Variants in PRR5 observed in about 807,000 individuals in gnomAD.
PRR5 encodes the protein proline rich 5.
In PRR5, 25 loss-of-function variants were observed where a neutral mutation model predicts 30.6. That is an observed-to-expected ratio of 0.82 (90% CI 0.60 to 1.14). The LOEUF is 1.14. Ranked by LOEUF, PRR5 falls within the 50% of genes most tolerant of loss-of-function variation. The pLI, the probability that PRR5 is intolerant of heterozygous loss-of-function variation, is 0.00. For synonymous variants in PRR5, 286 were observed against 247.1 expected, an observed-to-expected ratio of 1.16 and a Z score of -1.48; for missense variants, 600 against 547.1, an observed-to-expected ratio of 1.10 and a Z score of -0.96.
At chr22:44,712,519 C>T (rs902401302) in intron 1 of PRR5, among the ~76,000 whole-genome samples, 3 of 152,194 alleles carry the variant, frequency 2.0e-5, no homozygotes, top group African/African-American at 7.2e-5. Flanking sequence ...GGAGAAGGAG[C>T]ACAGGGGAGT....
chr22:44,681,360 C>A (rs190264928), intron 1 of PRR5, among the ~76,000 whole-genome samples: 11 of 152,078 alleles, frequency 7.2e-5, no homozygotes, highest in Non-Finnish European at 1.3e-4. Flanking sequence ...GAGGCCGAGG[C>A]GGGCAGATCA....
At chr22:44,733,554 A>C (rs2147180726) in intron 6 of PRR5, among the ~76,000 whole-genome samples, 1 of 152,154 alleles carries the variant, frequency 6.6e-6, no homozygotes, top group South Asian at 2.1e-4. Flanking sequence ...AAGTTGAGAG[A>C]GTTTAGGTCA....
chr22:44,678,800 G>A (rs1349163340), intron 1 of PRR5, among the ~76,000 whole-genome samples: 2 of 152,140 alleles, frequency 1.3e-5, no homozygotes, highest in Admixed American at 6.5e-5. Flanking sequence ...AGGTCTCCCC[G>A]ACAGCCTGGG....
chr22:44,682,732 G>A (rs919355906), intron 1 of PRR5, among the ~76,000 whole-genome samples: 3 of 152,160 alleles, frequency 2.0e-5, no homozygotes, highest in African/African-American at 4.8e-5. Context: ...GGTACCTGGC[G>A]TGTGGCCAGA....
At chr22:44,707,168 A>G (rs1011730132) in intron 1 of PRR5, among the ~76,000 whole-genome samples, 4 of 150,202 alleles carry the variant, frequency 2.7e-5, no homozygotes, top group Non-Finnish European at 4.4e-5. Context: ...GCTCCAGTTC[A>G]CTCCTCCCTG....
chr22:44,727,998 C>T (rs1921171442), intron 4 of PRR5, among the ~76,000 whole-genome samples: 1 of 152,260 alleles, frequency 6.6e-6, no homozygotes, highest in African/African-American at 2.4e-5. Context: ...TGATGCGGCA[C>T]ATTCTGGCGG....
intron 7 of PRR5, among the ~76,000 whole-genome samples, chr22:44,735,465 C>T (rs900451174): frequency 4.6e-5 from 7 of 152,154 alleles, no homozygotes; most frequent in African/African-American, 1.7e-4. Flanking sequence ...GCGGAGTGCT[C>T]GGAACATGCA....
At chr22:44,704,367 C>T (rs1259704030) in intron 1 of PRR5, among the ~76,000 whole-genome samples, 1 of 152,110 alleles carries the variant, frequency 6.6e-6, no homozygotes, top group East Asian at 1.9e-4. Context: ...TGGTTGCTGG[C>T]TTAGACACTG....
At chr22:44,687,445 C>T (rs946848030) in intron 1 of PRR5, among the ~76,000 whole-genome samples, 2 of 152,218 alleles carry the variant, frequency 1.3e-5, no homozygotes. Context: ...TTTATAAATA[C>T]AAACCTAATC....
chr22:44,725,241 C>T lies in PRR5; in HGVS notation c.216-3C>T. The T allele has an allele frequency of 6.2e-7, 1 of 1,613,940 alleles. No homozygotes were observed. The highest frequency in any genetic ancestry group is 8.5e-7 in the Non-Finnish European group (1 of 1,179,972). ...TCACTCTTGTCTCACCTCCCACCCA[C>T]AGGCAGCTGTTGAAGACAGAGCTGG... On this transcript the variant is annotated splice_region_variant and splice_polypyrimidine_tract_variant and intron_variant, in intron 2 of 7. Coordinates refer to ENST00000336985, the MANE Select transcript of PRR5 (RefSeq NM_181333.4).
At position 44,702,247 on chromosome 22, in the gene PRR5, C is replaced by T. The variant is rs1346421898; in HGVS notation, c.-228C>T. 2.2e-5 allele frequency: 25 copies of T among 1,131,578 alleles called. No individual in the cohort carries two copies. The highest frequency in any genetic ancestry group is 4.9e-5 in the Admixed American group (1 of 20,482). 70.1% of individuals were successfully genotyped at this position (1,131,578 alleles called of 1,614,324 possible). On this transcript the variant is annotated 5_prime_UTR_variant, in exon 1 of 8. Transcript: ENST00000336985. ...GTCTGTGCTGGCCGCGCGCCTGGCG[C>T]TCCACGCTGAGCCTCTCCGTGCAAT...
intron 4 of PRR5, chr22:44,731,398 A>G (rs1921938227): frequency 2.4e-6 from 1 of 420,816 alleles, no homozygotes; most frequent in South Asian, 2.5e-5. Context: ...TGGGTCTGGT[A>G]TGTGACAAAG....
At position 44,735,119 on chromosome 22, in the gene PRR5, C is replaced by T. The variant is rs1346282904; in HGVS notation, c.648C>T (p.Gly216=). 4.3e-6 allele frequency: 7 copies of T among 1,613,096 alleles called. No homozygotes were observed. The highest frequency in any genetic ancestry group is 4.5e-5 in the East Asian group (2 of 44,876). ...TGTCGCCATACCTGGGCACCTACGG[C>T]CTCCACTCCAGCGAGGGGCCCTTCA... The part of the protein sequence containing the change: ...KVVSPYLGTY[G]LHSSEGPFTH... Residue 216 remains glycine, a synonymous_variant, in exon 7 of 8, where the codon GGC becomes GGT. Transcript: ENST00000336985.
intron 1 of PRR5, among the ~76,000 whole-genome samples, chr22:44,683,537 G>GCAAAGCCTT (rs1410575737): frequency 1.3e-5 from 2 of 152,238 alleles, no homozygotes; most frequent in African/African-American, 4.8e-5. Flanking sequence ...AGGTGGCTGG[G>GCAAAGCCTT]CAAAGCCTTC....
At chr22:44,706,473 G>A (rs1927220307) in intron 1 of PRR5, among the ~76,000 whole-genome samples, 2 of 152,120 alleles carry the variant, frequency 1.3e-5, no homozygotes, top group Admixed American at 6.6e-5. Context: ...CATTTCGCTG[G>A]GGTCTGCCTT....
intron 1 of PRR5, among the ~76,000 whole-genome samples, chr22:44,696,588 G>A (rs2146983871): frequency 6.6e-6 from 1 of 152,292 alleles, no homozygotes; most frequent in South Asian, 2.1e-4. Flanking sequence ...TGGGTGCACA[G>A]AACCAGACCA....
intron 2 of PRR5, among the ~76,000 whole-genome samples, chr22:44,723,079 G>A (rs936476995): frequency 2.2e-4 from 33 of 151,232 alleles, no homozygotes; most frequent in Non-Finnish European, 4.4e-4. Flanking sequence ...TCCGCCTCCC[G>A]AGTTCAAGCA....
chr22:44,712,500 C>T (rs746427210), intron 1 of PRR5, among the ~76,000 whole-genome samples: 3 of 152,168 alleles, frequency 2.0e-5, no homozygotes, highest in Admixed American at 6.5e-5. Context: ...CGTGTGGGGA[C>T]GCTGCCTGGG....
chr22:44,724,861 G>T (rs1038879321), intron 2 of PRR5, among the ~76,000 whole-genome samples: 1 of 152,240 alleles, frequency 6.6e-6, no homozygotes, highest in Non-Finnish European at 1.5e-5. Context: ...GAGAGGAGGA[G>T]CCCGTGGCAT....
Sources: gnomAD v4.1 joint callset for allele counts (sites outside exome capture counted in the v4.1 genomes callset) on GRCh38, gnomAD v4.1.1 for gene constraint, MANE v1.5 for transcripts, NCBI Gene and HGNC (gene_info 2026-07-23, HGNC 2026-07-21) for gene names.